Variants in APP observed in about 807,000 individuals in gnomAD.
APP encodes the protein amyloid-beta precursor protein.
Under a neutral mutation model 101.4 loss-of-function variants are expected in APP, and 31 were observed. The observed-to-expected ratio is 0.31, with a 90% confidence interval of 0.23 to 0.41. The LOEUF (loss-of-function observed/expected upper bound fraction) is 0.41, where lower values mean the gene tolerates loss of function less well. Ranked by LOEUF, APP falls within the 10% of genes least tolerant of loss-of-function variation. The probability of loss-of-function intolerance (pLI) is 1.00; values close to 1 mark genes in which losing one functional copy is unlikely to be tolerated. For missense variants in APP, 839 were observed against 1,003.7 expected, an observed-to-expected ratio of 0.84 and a Z score of 2.22; for synonymous variants, 366 against 364.4, an observed-to-expected ratio of 1.00 and a Z score of -0.05.
intron 2 of APP, among the ~76,000 whole-genome samples, chr21:26,095,301 A>C (rs762203838): frequency 2.0e-5 from 3 of 152,186 alleles, no homozygotes; most frequent in Non-Finnish European, 4.4e-5. Flanking sequence ...TAAATTGCGC[A>C]CCATTCTGAG....
intron 11 of APP, among the ~76,000 whole-genome samples, chr21:25,959,648 A>G (rs1298486120): frequency 6.6e-6 from 1 of 152,190 alleles, no homozygotes; most frequent in Non-Finnish European, 1.5e-5. Flanking sequence ...CTGGAGTTCC[A>G]TTATTCCTTA....
chr21:25,911,655 A>G (rs576217651), intron 14 of APP, 86 bp downstream of exon 14: 257 of 1,270,172 alleles, frequency 2.0e-4, no homozygotes, highest in Non-Finnish European at 2.7e-4. Context: ...AAGAACATAC[A>G]AAAGATAACT....
At chr21:25,909,608 TGCAC>T (rs1205422737) in intron 14 of APP, among the ~76,000 whole-genome samples, 1 of 152,228 alleles carries the variant, frequency 6.6e-6, no homozygotes, top group Non-Finnish European at 1.5e-5. Flanking sequence ...TTCACACGTG[TGCAC>T]GCAGATTTTC....
chr21:26,060,486 A>C (rs1476336632), intron 3 of APP, among the ~76,000 whole-genome samples: 1 of 152,242 alleles, frequency 6.6e-6, no homozygotes, highest in East Asian at 1.9e-4. Context: ...ATTATGTCTC[A>C]GTGCTAAGAA....
In APP at chr21:26,136,207, A is replaced by AAAGAAAG. The variant is rs1273283293; in HGVS notation, c.58-24062_58-24061insCTTTCTT. On this transcript the variant is annotated intron_variant, in intron 1 of 17. Transcript: ENST00000346798. ...AAAGAAAGAAAGAAAGAAAGAAAAGAAAAGAAAGAAAAGAAATAGTTTTGT... is the reference window on the plus strand; with the variant it reads ...AAAGAAAGAAAGAAAGAAAGAAAAGAAAGAAAGAAAGAAAGAAAAGAAATAGTTTTGT... 2.8e-3 allele frequency among the ~76,000 whole-genome samples: 387 copies of AAAGAAAG among 137,456 alleles called. 11 individuals carry two copies. The highest frequency in any genetic ancestry group is 0.011 in the African/African-American group (372 of 33,860). 90.2% of individuals were successfully genotyped at this position (137,456 alleles called of 152,430 possible).
chr21:26,114,810 T>C (rs921026145), intron 1 of APP, among the ~76,000 whole-genome samples: 20 of 152,216 alleles, frequency 1.3e-4, no homozygotes, highest in African/African-American at 4.8e-4. Flanking sequence ...CATATGTGTG[T>C]ATGCTGACTA....
At position 25,958,272 on chromosome 21, in the gene APP, AATT is replaced by A. The variant is rs200295641; in HGVS notation, c.1459-2520_1459-2518del. Among the ~76,000 whole-genome samples, 48 of 151,648 alleles carry A rather than the reference AATT, an allele frequency of 3.2e-4. No individual in the cohort carries two copies. In the East Asian group the frequency reaches 9.1e-3, roughly 29 times the overall value. The stretch of plus-strand genomic sequence containing the variant: ...ACAACAAACAGCATATATTCCCACT[AATT>A]ATTATTATTATTATTCTTTGAGATG... On this transcript the variant is annotated intron_variant, in intron 11 of 17. Coordinates refer to ENST00000346798, the MANE Select transcript of APP (RefSeq NM_000484.4).
At chr21:25,998,007 C>T (rs2043121911) in intron 7 of APP, among the ~76,000 whole-genome samples, 1 of 152,176 alleles carries the variant, frequency 6.6e-6, no homozygotes, top group Non-Finnish European at 1.5e-5. Flanking sequence ...TCACTCCCAG[C>T]CCAAACTGAT....
intron 13 of APP, among the ~76,000 whole-genome samples, chr21:25,950,202 T>C (rs544027565): frequency 1.8e-4 from 28 of 152,248 alleles, no homozygotes; most frequent in African/African-American, 6.7e-4. Flanking sequence ...AATGTGACCA[T>C]CAGCATTATC....
At chr21:25,950,170 C>A (rs113427063) in intron 13 of APP, among the ~76,000 whole-genome samples, 1 of 152,092 alleles carries the variant, frequency 6.6e-6, no homozygotes, top group Admixed American at 6.5e-5. Flanking sequence ...TGTACCTCAA[C>A]GGGGAACATT....
intron 1 of APP, among the ~76,000 whole-genome samples, chr21:26,124,606 G>A (rs546886189): frequency 1.3e-5 from 2 of 152,340 alleles, no homozygotes; most frequent in Non-Finnish European, 2.9e-5. Flanking sequence ...CAGTAGCACA[G>A]AACTGGTTGT....
At chr21:26,077,010 C>T (rs1000585420) in intron 3 of APP, among the ~76,000 whole-genome samples, 1 of 150,776 alleles carries the variant, frequency 6.6e-6, no homozygotes, top group African/African-American at 2.4e-5. Context: ...CTGCGATGAG[C>T]CAAGACTGCG....
chr21:26,133,016 T>C (rs2062825709), intron 1 of APP, among the ~76,000 whole-genome samples: 1 of 151,832 alleles, frequency 6.6e-6, no homozygotes, highest in African/African-American at 2.4e-5. Flanking sequence ...GGTGGGTAGA[T>C]CCCTGAGCTC....
intron 6 of APP, among the ~76,000 whole-genome samples, chr21:26,018,370 G>A (rs1019859513): frequency 2.6e-5 from 4 of 152,180 alleles, no homozygotes; most frequent in Non-Finnish European, 4.4e-5. Context: ...TAATTTTTAT[G>A]TTGAACACAG....
intron 1 of APP, among the ~76,000 whole-genome samples, chr21:26,152,685 T>C (rs2063302185): frequency 6.6e-6 from 1 of 152,238 alleles, no homozygotes; most frequent in African/African-American, 2.4e-5. Context: ...TTACAAAAAT[T>C]ATTCTCTCAG....
chr21:25,939,575 T>C (rs1219538044), intron 13 of APP, among the ~76,000 whole-genome samples: 1 of 152,160 alleles, frequency 6.6e-6, no homozygotes, highest in Non-Finnish European at 1.5e-5. Context: ...AGCTTATCAA[T>C]CAAAATGCTG....
chr21:26,080,573 A>G (rs961142990), intron 3 of APP, among the ~76,000 whole-genome samples: 5 of 151,690 alleles, frequency 3.3e-5, no homozygotes, highest in African/African-American at 1.2e-4. Context: ...TCAAGACCAG[A>G]CTGGCCAAGG....
rs183786467 is a variant in APP, at chr21:26,105,820, C to A, written c.225+6159G>T. Among the ~76,000 whole-genome samples, 9 of 152,330 alleles carry A rather than the reference C, an allele frequency of 5.9e-5. No individual in the cohort carries two copies. In the East Asian group the frequency reaches 1.7e-3, roughly 29 times the overall value. On this transcript the variant is annotated intron_variant, in intron 2 of 17. Coordinates refer to ENST00000346798, the MANE Select transcript of APP (RefSeq NM_000484.4). ...AATCCTAATGCATGATGCACTCCCT[C>A]ACCTCGCCCTGTCCAGCCTACAAGC...
At chr21:26,058,607 C>A (rs2145984243) in intron 3 of APP, among the ~76,000 whole-genome samples, 1 of 152,240 alleles carries the variant, frequency 6.6e-6, no homozygotes, top group South Asian at 2.1e-4. Context: ...CAATCCATGA[C>A]ATTGGGAAGA....
Sources: allele counts gnomAD v4.1 joint callset (sites outside exome capture counted in the v4.1 genomes callset), GRCh38; gene constraint gnomAD v4.1.1; transcripts MANE v1.5; gene names NCBI Gene and HGNC (gene_info 2026-07-23, HGNC 2026-07-21).